Variants in MYO7B observed in about 807,000 individuals in gnomAD.
MYO7B encodes the protein unconventional myosin-VIIb.
Under a neutral mutation model 259.7 loss-of-function variants are expected in MYO7B, and 212 were observed. The observed-to-expected ratio is 0.82, with a 90% confidence interval of 0.73 to 0.91. The LOEUF (loss-of-function observed/expected upper bound fraction) is 0.91, where lower values mean the gene tolerates loss of function less well. MYO7B is among the 40% of genes least tolerant of loss of function. The pLI is 0.00. For missense variants in MYO7B, 2,732 were observed against 2,813.5 expected (o/e 0.97, Z 0.66); for synonymous variants, 1,197 against 1,166.4 (o/e 1.03, Z -0.54).
Position 127,636,999 on chromosome 2 carries a change from G to T in MYO7B, c.6327+86G>T. On this transcript the variant is annotated intron_variant, in intron 47 of 47. Transcript: ENST00000409816. This position sits in a 1 kb window ranked among gnomAD's most constrained non-coding sequence, Gnocchi z 4.5. The stretch of plus-strand genomic sequence containing the variant: ...TCCCCACCCTCACCCCTTTCAAGTG[G>T]CTCACTAAGAGGGCTCAGTCACAGG... The T allele has an allele frequency of 6.4e-7, 1 of 1,569,364 alleles. No individual in the cohort carries two copies. Among genetic ancestry groups the T allele is most frequent in the Non-Finnish European group, 8.6e-7 (1 of 1,163,784 alleles).
intron 21 of MYO7B, 55 bp from the exon 22 acceptor site, chr2:127,608,653 G>A: frequency 6.4e-7 from 1 of 1,555,622 alleles, no homozygotes; most frequent in Non-Finnish European, 8.7e-7. Flanking sequence ...AGGCAGGGCT[G>A]GGCCCCCTGA....
At chr2:127,538,490 C>T (rs551178935) in intron 1 of MYO7B, among the ~76,000 whole-genome samples, 1 of 152,026 alleles carries the variant, frequency 6.6e-6, no homozygotes, top group Non-Finnish European at 1.5e-5. Flanking sequence ...GGGTCTTGCT[C>T]ATCAGGTTAA....
intron 4 of MYO7B, among the ~76,000 whole-genome samples, chr2:127,566,149 T>C (rs1678330621): frequency 6.6e-6 from 1 of 152,126 alleles, no homozygotes; most frequent in South Asian, 2.1e-4. Flanking sequence ...TCATGTGGCT[T>C]ATTGTGCAGG....
chr2:127,600,121 G>A (rs62156627), intron 19 of MYO7B, among the ~76,000 whole-genome samples: 24,884 of 152,020 alleles, frequency 0.16, 2,322 homozygotes, highest in South Asian at 0.29. Flanking sequence ...GAAAATATCT[G>A]GGCCTGGGAA....
Position 127,626,966 on chromosome 2 carries a change from C to T in MYO7B, c.4216-9C>T. The T allele has an allele frequency of 6.2e-7, 1 of 1,604,462 alleles. No homozygotes were observed. Among genetic ancestry groups the T allele is most frequent in the Non-Finnish European group, 8.5e-7 (1 of 1,174,824 alleles). ...GGTGACGGAGGTGACATCCAGGATC[C>T]CCCCTCAGGCCCCATACACTCAGAA... On this transcript the variant is annotated splice_polypyrimidine_tract_variant and intron_variant, in intron 31 of 47. Coordinates refer to ENST00000409816, the MANE Select transcript of MYO7B (RefSeq NM_001393586.1).
chr2:127,562,007 A>AAG (rs200378510), intron 2 of MYO7B, among the ~76,000 whole-genome samples: 3 of 149,674 alleles, frequency 2.0e-5, no homozygotes, highest in Admixed American at 6.6e-5. Flanking sequence ...GAGAAAGAAA[A>AAG]AGAGAGAGAG....
At chr2:127,583,736 G>C (rs1209699136) in intron 12 of MYO7B, among the ~76,000 whole-genome samples, 3 of 152,182 alleles carry the variant, frequency 2.0e-5, no homozygotes, top group Admixed American at 6.5e-5. Context: ...GTCTCTGGAA[G>C]CTTGTCTCAA....
In MYO7B at chr2:127,631,773, A is replaced by G. The variant is rs1173000011; in HGVS notation, c.5249+20A>G. 1.2e-6 allele frequency: 2 copies of G among 1,608,376 alleles called. No homozygotes were observed. The highest frequency in any genetic ancestry group is 1.7e-5 in the Admixed American group (1 of 59,722). ...CAACAGGTCTGCTGGGGCGGCGGCC[A>G]GCCCACGCGGGCACCCTCAGTCCTC... On this transcript the variant is annotated intron_variant, in intron 38 of 47. Transcript: ENST00000409816.
chr2:127,621,735 C>T (rs958352083), intron 27 of MYO7B, among the ~76,000 whole-genome samples: 4 of 152,238 alleles, frequency 2.6e-5, no homozygotes, highest in African/African-American at 9.6e-5. Flanking sequence ...ACACATCCAC[C>T]TTTAGGATAG....
intron 1 of MYO7B, among the ~76,000 whole-genome samples, chr2:127,544,830 T>G (rs1693156392): frequency 6.6e-6 from 1 of 152,082 alleles, no homozygotes; most frequent in Non-Finnish European, 1.5e-5. Context: ...TCCACCCGCC[T>G]CGGCCTCCCA....
intron 2 of MYO7B, among the ~76,000 whole-genome samples, chr2:127,562,079 A>G (rs1350054210): frequency 6.6e-6 from 1 of 152,068 alleles, no homozygotes; most frequent in African/African-American, 2.4e-5. Context: ...TTCCTTTTTT[A>G]TAGACACCAG....
chr2:127,611,611 G>A lies in MYO7B; in HGVS notation c.3193-639G>A, dbSNP rs1018327546. 1.3e-5 allele frequency among the ~76,000 whole-genome samples: 2 copies of A among 152,180 alleles called. No individual in the cohort carries two copies. Among genetic ancestry groups the A allele is most frequent in the African/African-American group, 4.8e-5 (2 of 41,446 alleles). ...TAAACCAGCTTTGACGCACCCAGGA[G>A]CTGGTGCCTGGCCCTGGACCAGGCT... On this transcript the variant is annotated intron_variant, in intron 24 of 47. Coordinates refer to ENST00000409816, the MANE Select transcript of MYO7B (RefSeq NM_001393586.1). This position sits in a 1 kb window ranked among gnomAD's most constrained non-coding sequence, Gnocchi z 5.4.
chr2:127,598,281 C>T (rs866538009), intron 19 of MYO7B, among the ~76,000 whole-genome samples: 11 of 152,318 alleles, frequency 7.2e-5, no homozygotes, highest in Middle Eastern at 3.4e-3. Context: ...TTGATGTTGT[C>T]ACTGTTTATT....
intron 14 of MYO7B, among the ~76,000 whole-genome samples, chr2:127,587,282 C>T (rs1274093922): frequency 6.6e-6 from 1 of 152,204 alleles, no homozygotes; most frequent in Non-Finnish European, 1.5e-5. Flanking sequence ...CATTCTTACT[C>T]ATGGCCGGAG....
At chr2:127,630,448 A>C (rs1216790620) in intron 35 of MYO7B, among the ~76,000 whole-genome samples, 1 of 152,206 alleles carries the variant, frequency 6.6e-6, no homozygotes, top group African/African-American at 2.4e-5. Flanking sequence ...CTAGGCAGGC[A>C]GGGCTGGGGT....
At chr2:127,547,744 C>T (rs1693291550) in intron 1 of MYO7B, among the ~76,000 whole-genome samples, 1 of 152,146 alleles carries the variant, frequency 6.6e-6, no homozygotes, top group African/African-American at 2.4e-5. Context: ...TGACAGGAGA[C>T]TAAGGGGTGG....
intron 14 of MYO7B, among the ~76,000 whole-genome samples, chr2:127,587,041 C>G (rs1018884940): frequency 6.6e-6 from 1 of 152,200 alleles, no homozygotes; most frequent in Non-Finnish European, 1.5e-5. Flanking sequence ...ACTCTTGACT[C>G]TTCCTCCCCA....
intron 2 of MYO7B, among the ~76,000 whole-genome samples, chr2:127,561,406 CCA>C (rs1678082540): frequency 6.6e-6 from 1 of 152,000 alleles, no homozygotes; most frequent in Non-Finnish European, 1.5e-5. Context: ...CTACAGGCAC[CCA>C]CCACCATGCC....
chr2:127,562,555 C>T (rs777808177), intron 2 of MYO7B, among the ~76,000 whole-genome samples: 8 of 126,630 alleles, frequency 6.3e-5, no homozygotes, highest in Non-Finnish European at 1.1e-4. Context: ...GTGGCATGAT[C>T]TCGGTCACTG....
Sources: allele counts gnomAD v4.1 joint callset (sites outside exome capture counted in the v4.1 genomes callset), GRCh38; gene constraint gnomAD v4.1.1; non-coding constraint Gnocchi (gnomAD v3.1); transcripts MANE v1.5; gene names NCBI Gene and HGNC (gene_info 2026-07-23, HGNC 2026-07-21).